Variants in UNC13C observed in about 807,000 individuals in gnomAD.
UNC13C encodes the protein unc-13 homolog C.
In UNC13C, 174 loss-of-function variants were observed where a neutral mutation model predicts 245.4. The observed-to-expected ratio is 0.71, with a 90% CI of 0.63 to 0.80. UNC13C has a LOEUF of 0.80. Among genes scored for constraint, UNC13C ranks in the 30% least tolerant of loss-of-function variants. The pLI is 0.00. For synonymous variants in UNC13C, 992 were observed against 895.1 expected (o/e 1.11, Z -1.93); for missense variants, 2,829 against 2,602.9 (o/e 1.09, Z -1.89).
At chr15:54,570,487 G>T (rs1451731236) in intron 30 of UNC13C, among the ~76,000 whole-genome samples, 1 of 152,070 alleles carries the variant, frequency 6.6e-6, no homozygotes, top group Non-Finnish European at 1.5e-5. Flanking sequence ...ATTAGGGGAG[G>T]GACAATGCTA....
At chr15:54,048,003 G>C (rs1248074155) in intron 2 of UNC13C, among the ~76,000 whole-genome samples, 2 of 152,050 alleles carry the variant, frequency 1.3e-5, no homozygotes, top group Admixed American at 1.3e-4. Context: ...AAACCAAGAA[G>C]TACATAAATT....
chr15:54,079,065 G>A (rs982080748), intron 2 of UNC13C, among the ~76,000 whole-genome samples: 4 of 151,890 alleles, frequency 2.6e-5, no homozygotes, highest in Admixed American at 6.6e-5. Context: ...TATTGAATAC[G>A]GTGTTCCTCT....
chr15:54,301,950 G>A (rs959736748), intron 13 of UNC13C, among the ~76,000 whole-genome samples: 2 of 152,074 alleles, frequency 1.3e-5, no homozygotes, highest in African/African-American at 4.8e-5. Flanking sequence ...TCCAGCATCT[G>A]TTGTTTCCTG....
intron 19 of UNC13C, among the ~76,000 whole-genome samples, chr15:54,443,579 C>G (rs1890648538): frequency 6.6e-6 from 1 of 152,020 alleles, no homozygotes. Flanking sequence ...TTGACTTTAT[C>G]ACATATATTT....
At chr15:53,924,161 C>A in the UNC13C span, among the ~76,000 whole-genome samples, 1 of 150,240 alleles carries the variant, frequency 6.7e-6, no homozygotes, top group South Asian at 2.1e-4. Context: ...GAGCCGAGAT[C>A]ACACCATTGC....
At chr15:54,067,471 A>T (rs1898127644) in intron 2 of UNC13C, among the ~76,000 whole-genome samples, 1 of 152,192 alleles carries the variant, frequency 6.6e-6, no homozygotes, top group Admixed American at 6.5e-5. Context: ...AGGAGAATTC[A>T]TTATTTCAGT....
At chr15:54,530,692 A>C (rs149804508) in intron 25 of UNC13C, among the ~76,000 whole-genome samples, 1 of 152,152 alleles carries the variant, frequency 6.6e-6, no homozygotes, top group South Asian at 2.1e-4. Flanking sequence ...CAAGAGAGCC[A>C]TGAGAATTTC....
the UNC13C span, among the ~76,000 whole-genome samples, chr15:53,907,491 C>A: frequency 6.6e-6 from 1 of 152,098 alleles, no homozygotes; most frequent in Non-Finnish European, 1.5e-5. Flanking sequence ...ATGGGAAGAG[C>A]TCTTCTTCAA....
chr15:54,417,779 G>A (rs969366299), intron 19 of UNC13C, among the ~76,000 whole-genome samples: 21 of 152,086 alleles, frequency 1.4e-4, no homozygotes, highest in African/African-American at 5.1e-4. Flanking sequence ...AATAAATAAT[G>A]GTTGCATGAA....
At chr15:54,375,581 A>T (rs948802028) in intron 17 of UNC13C, among the ~76,000 whole-genome samples, 1 of 152,240 alleles carries the variant, frequency 6.6e-6, no homozygotes, top group Non-Finnish European at 1.5e-5. Flanking sequence ...TGAATCAATG[A>T]AAAGAAGGAC....
chr15:54,603,523 A>G (rs1899568724), intron 30 of UNC13C, among the ~76,000 whole-genome samples: 2 of 151,054 alleles, frequency 1.3e-5, no homozygotes, highest in African/African-American at 2.4e-5. Flanking sequence ...GTGTGGATCT[A>G]TAAGCACTCC....
intron 17 of UNC13C, among the ~76,000 whole-genome samples, chr15:54,375,254 T>C (rs1486806228): frequency 6.6e-6 from 1 of 152,212 alleles, no homozygotes; most frequent in Non-Finnish European, 1.5e-5. Context: ...AATGAAAGGT[T>C]TATTCAAAAT....
chr15:53,939,510 C>G, the UNC13C span, among the ~76,000 whole-genome samples: 2 of 152,064 alleles, frequency 1.3e-5, no homozygotes, highest in African/African-American at 4.8e-5. Context: ...ATCCTGATAC[C>G]AAAACCTGGC....
rs536637394 is a variant in UNC13C, at chr15:54,596,940, A to G, written c.6107-25387A>G. Among the ~76,000 whole-genome samples, 81 of 152,184 alleles carry G rather than the reference A, an allele frequency of 5.3e-4. 1 individual carries two copies. The highest frequency in any genetic ancestry group is 1.7e-3 in the African/African-American group (72 of 41,448). On this transcript the variant is annotated intron_variant, in intron 30 of 32. Transcript: ENST00000260323. ...TGAGCCAAATAAACCTCTTTTCTTA[A>G]CAAGTTACCCAGTATCAGGTATTCC...
At chr15:54,469,791 T>C (rs2141040567) in intron 19 of UNC13C, among the ~76,000 whole-genome samples, 1 of 151,666 alleles carries the variant, frequency 6.6e-6, no homozygotes, top group Admixed American at 6.6e-5. Context: ...GACTGTACTA[T>C]GCTGAACAGA....
chr15:54,213,963 A>T (rs1263839099), intron 4 of UNC13C, among the ~76,000 whole-genome samples: 1 of 152,000 alleles, frequency 6.6e-6, no homozygotes, highest in African/African-American at 2.4e-5. Flanking sequence ...CTACCAAGGG[A>T]GAGAAATAAC....
At chr15:54,343,292 C>A (rs964512829) in intron 17 of UNC13C, among the ~76,000 whole-genome samples, 4 of 152,136 alleles carry the variant, frequency 2.6e-5, no homozygotes, top group Admixed American at 2.0e-4. Flanking sequence ...CACCACCACG[C>A]CTGGCTTATT....
chr15:54,475,361 G>T lies in UNC13C; in HGVS notation c.4934-19247G>T, dbSNP rs1043821044. On this transcript the variant is annotated intron_variant, in intron 19 of 32. Coordinates refer to ENST00000260323, the MANE Select transcript of UNC13C (RefSeq NM_001080534.3). ...TAGGGTACATGTGCACAATGTGCAGGTTAGTTACATATGTACACATGTGCC... is the reference window on the plus strand; with the variant it reads ...TAGGGTACATGTGCACAATGTGCAGTTTAGTTACATATGTACACATGTGCC... Among the ~76,000 whole-genome samples the T allele has an allele frequency of 1.6e-3, 236 of 150,858 alleles. 1 individual carries two copies. Among genetic ancestry groups the T allele is most frequent in the African/African-American group, 5.3e-3 (219 of 41,146 alleles).
chr15:54,046,299 G>A (rs565803913), intron 2 of UNC13C, among the ~76,000 whole-genome samples: 5 of 152,240 alleles, frequency 3.3e-5, no homozygotes, highest in African/African-American at 1.2e-4. Context: ...GAATAGGCTT[G>A]TTAGGTTTAG....
Sources: gnomAD v4.1 joint callset for allele counts (sites outside exome capture counted in the v4.1 genomes callset) on GRCh38, gnomAD v4.1.1 for gene constraint, MANE v1.5 for transcripts, NCBI Gene and HGNC (gene_info 2026-07-23, HGNC 2026-07-21) for gene names.